NRXN2: variants seen among roughly 807,000 people sequenced by gnomAD.
NRXN2 encodes neurexin 2.
NRXN2 carries 29 observed loss-of-function variants against 128.8 expected under a neutral mutation model. That is an observed-to-expected ratio of 0.23 (90% CI 0.17 to 0.31). NRXN2 has a LOEUF of 0.31. NRXN2 is among the 10% of genes least tolerant of loss of function. The pLI is 1.00. For synonymous variants in NRXN2, 1,098 were observed against 1,075.2 expected, an observed-to-expected ratio of 1.02 and a Z score of -0.41; for missense variants, 1,881 against 2,452.6, an observed-to-expected ratio of 0.77 and a Z score of 4.92.
chr11:64,677,481 A>G (rs906551824), intron 6 of NRXN2, among the ~76,000 whole-genome samples: 1 of 152,202 alleles, frequency 6.6e-6, no homozygotes, highest in Non-Finnish European at 1.5e-5. Context: ...CATTCCGCAG[A>G]TGAGACAGAA....
Position 64,667,259 on chromosome 11 carries a change from C to T in NRXN2, c.1789G>A (p.Gly597Arg). The change falls in exon 9 of 23, where the codon GGG becomes AGG. Residue 597 changes from glycine (G) to arginine (R), a missense_variant. Gly to Arg is a moderately radical substitution (Grantham distance 125, BLOSUM62 -2). Coordinates refer to ENST00000265459, the MANE Select transcript of NRXN2 (RefSeq NM_015080.4). The surrounding 1 kb of genome is among the most constrained non-coding windows in gnomAD (Gnocchi z 5.6). ...EWCHVDFQRD[G>R]RKGSISVNSR... ...CCAGAGGCCTCCTGACCTTTTCGCC[C>T]ATCCCTCTGGAAGTCCACGTGACAC... is the stretch of plus-strand genomic sequence containing the variant. The T allele has an allele frequency of 6.2e-7, 1 of 1,614,204 alleles. No individual in the cohort carries two copies. The highest frequency in any genetic ancestry group is 8.5e-7 in the Non-Finnish European group (1 of 1,180,032).
At chr11:64,707,679 T>A (rs915476192) in intron 2 of NRXN2, among the ~76,000 whole-genome samples, 5 of 152,230 alleles carry the variant, frequency 3.3e-5, no homozygotes, top group African/African-American at 1.2e-4. Flanking sequence ...TTATCTTCAT[T>A]TATAGATAAG....
At position 64,630,298 on chromosome 11, in the gene NRXN2, C is replaced by G. The variant is rs2043701021; in HGVS notation, c.3757+104G>C. 1 of 1,134,732 alleles carries G rather than the reference C, an allele frequency of 8.8e-7. No individual in the cohort carries two copies. The highest frequency in any genetic ancestry group is 1.2e-6 in the Non-Finnish European group (1 of 821,878). 70.3% of individuals were successfully genotyped at this position (1,134,732 alleles called of 1,614,324 possible). On this transcript the variant is annotated intron_variant, in intron 19 of 22. Coordinates refer to ENST00000265459, the MANE Select transcript of NRXN2 (RefSeq NM_015080.4). This position sits in a 1 kb window ranked among gnomAD's most constrained non-coding sequence, Gnocchi z 4.6. ...TAGCCCCGCCCCAGAGCCGCTTAGC[C>G]CCGCCCCAGAGCCGCTTAGCCCCGC...
At chr11:64,636,133 T>G (rs1365949472) in intron 17 of NRXN2, among the ~76,000 whole-genome samples, 2 of 144,424 alleles carry the variant, frequency 1.4e-5, no homozygotes, top group Non-Finnish European at 1.5e-5. Context: ...AGAGGGGAGA[T>G]TGACAGCCAG....
chr11:64,650,425 T>C (rs1462283265), intron 15 of NRXN2, 23 bp downstream of exon 15: 1 of 1,613,642 alleles, frequency 6.2e-7, no homozygotes. Flanking sequence ...GGGCCAGGCC[T>C]TCTCCAGAGG....
At chr11:64,608,180 A>C in intron 22 of NRXN2, 98 bp from the exon 23 acceptor site, 10 of 908,976 alleles carry the variant, frequency 1.1e-5, no homozygotes, top group East Asian at 2.6e-5. Context: ...ACACACCCAA[A>C]TCGGTTCCAA....
intron 19 of NRXN2, among the ~76,000 whole-genome samples, chr11:64,629,579 C>T (rs2043571466): frequency 1.3e-5 from 2 of 152,092 alleles, no homozygotes; most frequent in Admixed American, 6.5e-5. Context: ...CTTCCATGTC[C>T]TCATCTCCAT....
In NRXN2 at chr11:64,660,482, T is replaced by A; in HGVS notation, c.2239A>T (p.Asn747Tyr). The stretch of plus-strand genomic sequence containing the variant: ...TCCTCTGCCTCCGTGTGCATGGCGT[T>A]AGGCAGCATGATCTTCATGTACATG... ...GSMYMKIMLP[N>Y]AMHTEAEDVS... Residue 747 changes from asparagine (N) to tyrosine (Y), a missense_variant, in exon 11 of 23, where the codon AAC becomes TAC. Physicochemically the swap from Asn to Tyr is moderately radical, Grantham distance 143. Transcript: ENST00000265459. This position sits in a 1 kb window ranked among gnomAD's most constrained non-coding sequence, Gnocchi z 5.2. 1 of 1,614,170 alleles carries A rather than the reference T, an allele frequency of 6.2e-7. No homozygotes were observed. The highest frequency in any genetic ancestry group is 2.2e-5 in the East Asian group (1 of 44,874).
intron 6 of NRXN2, 57 bp from the exon 7 acceptor site, chr11:64,677,094 A>G: frequency 8.5e-7 from 1 of 1,173,054 alleles, no homozygotes; most frequent in Non-Finnish European, 1.3e-6. Flanking sequence ...ACAACAACAA[A>G]CACAACAACA....
chr11:64,718,052 G>A (rs981775202), intron 1 of NRXN2, among the ~76,000 whole-genome samples: 2 of 152,150 alleles, frequency 1.3e-5, no homozygotes, highest in Non-Finnish European at 2.9e-5. Context: ...GGGGCAGTGA[G>A]CTGGCCTGGG....
rs1227324898 is a variant in NRXN2 at position 64,607,558 on chromosome 11, G to T, written c.4777C>A (p.Pro1593Thr). ...GAPTSFEPRR[P>T]PPLRPGVTSA... ...GTCACGCCGGGGCGCAGGGGAGGGG[G>T]CCTCCGCGGCTCAAAGGACGTGGGG... Residue 1593 changes from proline to threonine, a missense_variant, in exon 23 of 23, where the codon CCC becomes ACC. Pro to Thr is a conservative substitution (Grantham distance 38, BLOSUM62 -1). Transcript: ENST00000265459. The T allele has an allele frequency of 1.9e-5, 29 of 1,538,834 alleles. No homozygotes were observed. The highest frequency in any genetic ancestry group is 2.5e-5 in the Non-Finnish European group (29 of 1,146,028).
At chr11:64,697,528 CCTTTCCCTCTCCAGCGTGGAGA>C (rs2054718727) in intron 3 of NRXN2, among the ~76,000 whole-genome samples, 1 of 152,094 alleles carries the variant, frequency 6.6e-6, no homozygotes, top group African/African-American at 2.4e-5. Flanking sequence ...CCTAAGTTTC[CCTTTCCCTCTCCAGCGTGGAGA>C]GGGAAAGGAA....
rs75631325 is a variant in NRXN2 at position 64,621,207 on chromosome 11, C to T, written c.4174-835G>A. ...AAGGGCAAGGCAGTGCCTGGAGGACCCAGCTCCCTTCTGCATTCTTGCCCC... is the reference window on the plus strand; with the variant it reads ...AAGGGCAAGGCAGTGCCTGGAGGACTCAGCTCCCTTCTGCATTCTTGCCCC... On this transcript the variant is annotated intron_variant, in intron 21 of 22. Transcript: ENST00000265459. Among the ~76,000 whole-genome samples, 1,104 of 152,238 alleles carry T rather than the reference C, an allele frequency of 7.3e-3. 11 individuals are homozygous for T. Among genetic ancestry groups the T allele is most frequent in the African/African-American group, 0.025 (1,043 of 41,534 alleles).
intron 9 of NRXN2, among the ~76,000 whole-genome samples, chr11:64,663,977 G>A (rs1286721785): frequency 1.3e-5 from 2 of 152,196 alleles, no homozygotes; most frequent in Admixed American, 6.5e-5. Context: ...ACTTAACGGA[G>A]GTACCGAGAG....
intron 2 of NRXN2, among the ~76,000 whole-genome samples, chr11:64,707,726 TG>T (rs1478382349): frequency 6.6e-6 from 1 of 152,236 alleles, no homozygotes; most frequent in Non-Finnish European, 1.5e-5. Context: ...ATAAAGTCAC[TG>T]CCTGGGCAGT....
At chr11:64,646,799 T>A (rs1001836472) in intron 17 of NRXN2, among the ~76,000 whole-genome samples, 2 of 45,580 alleles carry the variant, frequency 4.4e-5, no homozygotes, top group African/African-American at 7.8e-5. Context: ...CAGGTCTCCA[T>A]GCCTTGGCAG....
At chr11:64,718,743 G>A (rs1474059049) in intron 1 of NRXN2, among the ~76,000 whole-genome samples, 6 of 151,998 alleles carry the variant, frequency 3.9e-5, no homozygotes, top group Non-Finnish European at 7.4e-5. Flanking sequence ...TTTTTGGAGG[G>A]TCCCCTTTCC....
chr11:64,719,289 G>A (rs2057375079), intron 1 of NRXN2, among the ~76,000 whole-genome samples: 1 of 152,172 alleles, frequency 6.6e-6, no homozygotes, highest in African/African-American at 2.4e-5. Flanking sequence ...AAGGGGAGAA[G>A]GGACCCACCC....
Position 64,685,710 on chromosome 11 carries a change from G to T in NRXN2, c.1088C>A (p.Pro363His). Reference sequence around the variant, plus strand: ...GTTGTCGTTGAACTTGCCATTGACGGGTTCCACAAGGGCCTCGAAGGCACC... The same window carrying T: ...GTTGTCGTTGAACTTGCCATTGACGTGTTCCACAAGGGCCTCGAAGGCACC... Reference protein sequence around the residue: ...GSGAFEALVEPVNGKFNDNAW... With the variant: ...GSGAFEALVEHVNGKFNDNAW... Residue 363 changes from proline (P) to histidine (H), a missense_variant, in exon 6 of 23, where the codon CCC (proline) becomes CAC (histidine). By Grantham distance (77) the Pro-to-His change is moderately conservative (BLOSUM62 -2). Around this residue, in one of 7 missense-constraint regions of NRXN2, gnomAD observed 997 missense variants for 1,240.8 expected, o/e 0.80. Transcript: ENST00000265459. 1 of 1,614,202 alleles carries T rather than the reference G, an allele frequency of 6.2e-7. No homozygotes were observed. The highest frequency in any genetic ancestry group is 8.5e-7 in the Non-Finnish European group (1 of 1,180,040).
Sources: allele counts gnomAD v4.1 joint callset (sites outside exome capture counted in the v4.1 genomes callset), GRCh38; gene constraint gnomAD v4.1.1; regional missense constraint gnomAD v4.1.1; non-coding constraint Gnocchi (gnomAD v3.1); transcripts MANE v1.5; gene names NCBI Gene and HGNC (gene_info 2026-07-23, HGNC 2026-07-21).